Variants in ARMC9 observed in about 807,000 individuals in gnomAD.
ARMC9 encodes the protein lisH domain-containing protein ARMC9.
A neutral mutation model predicts 107.0 loss-of-function variants in ARMC9; 94 were observed. The ratio of observed to expected loss-of-function variants is 0.88; its 90% confidence interval spans 0.74 to 1.04. ARMC9 has a LOEUF of 1.04. Ranked by LOEUF, ARMC9 falls within the 50% of genes least tolerant of loss-of-function variation. The pLI, the probability that ARMC9 is intolerant of heterozygous loss-of-function variation, is 0.00. For synonymous variants in ARMC9, 380 were observed against 396.9 expected, an observed-to-expected ratio of 0.96 and a Z score of 0.51; for missense variants, 942 against 1,030.1, an observed-to-expected ratio of 0.91 and a Z score of 1.17.
chr2:231,300,627 C>T (rs368680763), intron 19 of ARMC9, among the ~76,000 whole-genome samples: 1 of 152,196 alleles, frequency 6.6e-6, no homozygotes, highest in Non-Finnish European at 1.5e-5. Context: ...AAATAGGTCA[C>T]TTGCCAAGTT....
intron 7 of ARMC9, among the ~76,000 whole-genome samples, chr2:231,227,677 C>A (rs2034776947): frequency 6.6e-6 from 1 of 152,216 alleles, no homozygotes; most frequent in African/African-American, 2.4e-5. Flanking sequence ...TAGCTGTTTG[C>A]TCACCAGGGA....
At chr2:231,288,579 G>A (rs745458955) in intron 17 of ARMC9, 24 of 469,648 alleles carry the variant, frequency 5.1e-5, no homozygotes, top group Non-Finnish European at 1.0e-4. Context: ...AAGTGAGTTC[G>A]AAGTTAGTTG....
chr2:231,369,777 A>G (rs919860836), intron 23 of ARMC9, among the ~76,000 whole-genome samples, 176 bp from the exon 24 acceptor site: 5 of 151,318 alleles, frequency 3.3e-5, no homozygotes, highest in African/African-American at 1.2e-4. Context: ...AATTTTTAGT[A>G]GTGACGGGGC....
Position 231,360,978 on chromosome 2 carries a change from G to A in ARMC9, c.2261+95G>A. The A allele has an allele frequency of 7.0e-7, 1 of 1,430,374 alleles. No individual in the cohort carries two copies. The highest frequency in any genetic ancestry group is 9.1e-7 in the Non-Finnish European group (1 of 1,093,522). 88.6% of individuals were successfully genotyped at this position (1,430,374 alleles called of 1,614,324 possible). A position where few individuals can be genotyped will look rare whatever the true frequency, so the allele number is the denominator to read the frequency against. Reference sequence around the variant, plus strand: ...GCAGAGCACCCAGGAGACCTGGAAGGCTCCTCTGAGGCCCAGCCTCTGACA... The same window carrying A: ...GCAGAGCACCCAGGAGACCTGGAAGACTCCTCTGAGGCCCAGCCTCTGACA... On this transcript the variant is annotated intron_variant, in intron 23 of 24. Transcript: ENST00000611582. This position sits in a 1 kb window ranked among gnomAD's most constrained non-coding sequence, Gnocchi z 4.7.
intron 24 of ARMC9, 79 bp from the exon 25 acceptor site, chr2:231,371,434 A>G: frequency 6.0e-6 from 8 of 1,338,360 alleles, no homozygotes; most frequent in Non-Finnish European, 7.7e-6. Flanking sequence ...GCCGGCTGAA[A>G]GAGGGACTGA....
At chr2:231,249,879 ACC>A (rs1204127100) in intron 9 of ARMC9, among the ~76,000 whole-genome samples, 10 of 48,098 alleles carry the variant, frequency 2.1e-4, no homozygotes, top group Middle Eastern at 0.018. Context: ...ACCACCGCCC[ACC>A]CGTGCACACC....
At chr2:231,310,264 A>G (rs923480927) in intron 19 of ARMC9, among the ~76,000 whole-genome samples, 1 of 149,702 alleles carries the variant, frequency 6.7e-6, no homozygotes, top group Admixed American at 6.7e-5. Flanking sequence ...AAACTACAAA[A>G]TTAGGCAGGC....
At chr2:231,337,477 T>G (rs113253562) in intron 20 of ARMC9, among the ~76,000 whole-genome samples, 2,618 of 123,938 alleles carry the variant, frequency 0.021, 116 homozygotes, top group African/African-American at 0.081. Context: ...TTGTTTTTTT[T>G]TTTTTTTTTT....
In ARMC9 at chr2:231,272,946, T is replaced by C. The variant is rs139632830; in HGVS notation, c.1211-9T>C. Reference sequence around the variant, plus strand: ...TCTTTCACCTGTTTCATCTCTGGTGTATTATCAGGTCGCCTCTACCTTGCC... The same window carrying C: ...TCTTTCACCTGTTTCATCTCTGGTGCATTATCAGGTCGCCTCTACCTTGCC... On this transcript the variant is annotated splice_polypyrimidine_tract_variant and intron_variant, in intron 13 of 24. Coordinates refer to ENST00000611582, the MANE Select transcript of ARMC9 (RefSeq NM_001352754.2). 91 of 1,610,174 alleles carry C rather than the reference T, an allele frequency of 5.7e-5. No homozygotes were observed. The African/African-American group carries it at 1.1e-3, about 19-fold the overall frequency.
chr2:231,262,453 T>C (rs1050555003), intron 12 of ARMC9, 55 bp downstream of exon 12: 14 of 1,445,862 alleles, frequency 9.7e-6, no homozygotes, highest in Non-Finnish European at 2.9e-6. Flanking sequence ...TAGGGAATGA[T>C]CTTAGCAGAT....
chr2:231,359,249 G>C (rs930349361), intron 22 of ARMC9, among the ~76,000 whole-genome samples: 1 of 152,040 alleles, frequency 6.6e-6, no homozygotes. Flanking sequence ...ACCATACCCG[G>C]CTAATTTTTG....
intron 19 of ARMC9, among the ~76,000 whole-genome samples, chr2:231,316,549 T>C (rs1426024941): frequency 1.3e-5 from 2 of 150,828 alleles, no homozygotes; most frequent in African/African-American, 4.9e-5. Context: ...CTTGGGAGGC[T>C]GAGGTGGGAG....
chr2:231,371,933 G>T lies in ARMC9; in HGVS notation c.*398G>T. 5.2e-6 allele frequency: 1 copy of T among 193,708 alleles called. No individual in the cohort carries two copies. 12.0% of individuals were successfully genotyped at this position (193,708 alleles called of 1,614,324 possible). ...GACAGTGTAGGGCCAGCCTGGAGCA[G>T]GGCTTTTCCAAGGCTGCTGAAGCCA... is the stretch of plus-strand genomic sequence containing the variant. On this transcript the variant is annotated 3_prime_UTR_variant, in exon 25 of 25. Transcript: ENST00000611582.
At chr2:231,369,084 T>C (rs16828015) in intron 23 of ARMC9, among the ~76,000 whole-genome samples, 9,330 of 152,228 alleles carry the variant, frequency 0.061, 950 homozygotes, top group African/African-American at 0.21. Flanking sequence ...ATGTCCTCAC[T>C]GAATTCTCAC....
Position 231,369,969 on chromosome 2 carries a change from T to G in ARMC9, c.2278T>G (p.Phe760Val). The change falls in exon 24 of 25, where the codon TTC (phenylalanine) becomes GTC (valine). Residue 760 changes from phenylalanine to valine, a missense_variant. Physicochemically the swap from Phe to Val is conservative, Grantham distance 50. Coordinates refer to ENST00000611582, the MANE Select transcript of ARMC9 (RefSeq NM_001352754.2). Reference protein sequence around the residue: ...GVTTRECASAFTCKPRAPCTP... With the variant: ...GVTTRECASAVTCKPRAPCTP... Reference sequence around the variant, plus strand: ...TTGTTCTAGGGAATGTGCATCAGCCTTCACCTGCAAGCCCCGGGCCCCCTG... The same window carrying G: ...TTGTTCTAGGGAATGTGCATCAGCCGTCACCTGCAAGCCCCGGGCCCCCTG... 6.6e-7 allele frequency: 1 copy of G among 1,522,736 alleles called. No homozygotes were observed. The highest frequency in any genetic ancestry group is 1.2e-5 in the South Asian group (1 of 82,636). The allele number at this position is 1,522,736 out of a possible 1,614,324, so 94.3% of individuals were successfully genotyped here.
chr2:231,294,949 G>A (rs1574982902), intron 18 of ARMC9: 1 of 152,322 alleles, frequency 6.6e-6, no homozygotes, highest in South Asian at 2.1e-4. Flanking sequence ...TGTCCCACTG[G>A]CCTCGGTCCA....
In ARMC9 at chr2:231,358,122, T is replaced by C. The variant is rs1021863428; in HGVS notation, c.2131+2188T>C. ...GATGGCAAACAGCCCTCTGCTTCTG[T>C]GCTCCATCTGGGCTTTGCAGATAGG... On this transcript the variant is annotated intron_variant, in intron 22 of 24. Transcript: ENST00000611582. This position sits in a 1 kb window ranked among gnomAD's most constrained non-coding sequence, Gnocchi z 4.5. Among the ~76,000 whole-genome samples, 1 of 152,204 alleles carries C rather than the reference T, an allele frequency of 6.6e-6. No homozygotes were observed. Among genetic ancestry groups the C allele is most frequent in the Non-Finnish European group, 1.5e-5 (1 of 68,038 alleles).
chr2:231,288,905 T>A (rs1005079617), intron 17 of ARMC9, among the ~76,000 whole-genome samples: 4 of 152,190 alleles, frequency 2.6e-5, no homozygotes, highest in Non-Finnish European at 5.9e-5. Context: ...TTCTCTATGA[T>A]TATCTTTATG....
intron 19 of ARMC9, among the ~76,000 whole-genome samples, chr2:231,298,683 A>G (rs1436532645): frequency 6.6e-6 from 1 of 152,208 alleles, no homozygotes; most frequent in Non-Finnish European, 1.5e-5. Flanking sequence ...ACGGTGGCTC[A>G]CACCTGCAAT....
Sources: gnomAD v4.1 joint callset for allele counts (sites outside exome capture counted in the v4.1 genomes callset) on GRCh38, gnomAD v4.1.1 for gene constraint, Gnocchi (gnomAD v3.1) non-coding constraint, MANE v1.5 for transcripts, NCBI Gene and HGNC (gene_info 2026-07-23, HGNC 2026-07-21) for gene names.